Variants in FER observed in about 807,000 individuals in gnomAD.
FER encodes FER tyrosine kinase.
FER carries 63 observed loss-of-function variants against 111.0 expected under a neutral mutation model. The observed-to-expected ratio is 0.57, with a 90% CI of 0.46 to 0.70. FER has a LOEUF of 0.70. Among genes scored for constraint, FER ranks in the 30% least tolerant of loss-of-function variants. The pLI, the probability that FER is intolerant of heterozygous loss-of-function variation, is 0.00. For synonymous variants in FER, 327 were observed against 313.9 expected (o/e 1.04, Z -0.44); for missense variants, 914 against 954.0 (o/e 0.96, Z 0.55).
intron 17 of FER, among the ~76,000 whole-genome samples, chr5:109,156,574 T>C (rs913100074): frequency 1.1e-4 from 16 of 151,728 alleles, no homozygotes; most frequent in Non-Finnish European, 2.4e-4. Context: ...CATAGAAGTA[T>C]ATGAGATGAT....
chr5:109,053,290 G>A (rs1773103691), intron 16 of FER, among the ~76,000 whole-genome samples: 2 of 151,412 alleles, frequency 1.3e-5, no homozygotes, highest in African/African-American at 4.9e-5. Context: ...GGCTGAGGGA[G>A]GAGAATCGCT....
intron 3 of FER, 60 bp from the exon 4 acceptor site, chr5:108,832,710 A>G: frequency 2.4e-6 from 3 of 1,265,580 alleles, no homozygotes; most frequent in Non-Finnish European, 3.1e-6. Context: ...GAACTCTTAA[A>G]GCACAGCTAA....
intron 1 of FER, among the ~76,000 whole-genome samples, chr5:108,756,079 G>T (rs1312268241): frequency 6.7e-6 from 1 of 150,262 alleles, no homozygotes; most frequent in African/African-American, 2.4e-5. Context: ...GCTTGAACAC[G>T]GGAGGTGGAG....
intron 3 of FER, among the ~76,000 whole-genome samples, chr5:108,827,822 C>CT (rs5870331): frequency 0.73 from 88,679 of 121,320 alleles, 32,578 homozygotes; most frequent in South Asian, 0.82. Flanking sequence ...GAGTTAGTAT[C>CT]TTTTTTTTTT....
At chr5:108,991,341 G>T (rs72790515) in intron 13 of FER, among the ~76,000 whole-genome samples, 17,547 of 151,812 alleles carry the variant, frequency 0.12, 1,104 homozygotes, top group Middle Eastern at 0.16. Context: ...AAAAGTATAG[G>T]CATATTTTAT....
At chr5:108,893,096 T>A (rs188027836) in intron 9 of FER, among the ~76,000 whole-genome samples, 1 of 152,194 alleles carries the variant, frequency 6.6e-6, no homozygotes, top group Non-Finnish European at 1.5e-5. Flanking sequence ...TGAAGTCAGG[T>A]ATCGTGATGC....
intron 2 of FER, among the ~76,000 whole-genome samples, chr5:108,781,608 T>C (rs753956015): frequency 3.3e-5 from 5 of 152,182 alleles, no homozygotes; most frequent in Non-Finnish European, 7.3e-5. Flanking sequence ...AGTAAGGTGT[T>C]GGGGGATAGG....
chr5:108,895,252 T>C (rs1179572087), intron 9 of FER, among the ~76,000 whole-genome samples: 1 of 152,184 alleles, frequency 6.6e-6, no homozygotes, highest in African/African-American at 2.4e-5. Flanking sequence ...AATGGTTTAA[T>C]CTTTTCCTTT....
chr5:108,937,648 A>T (rs764240823), intron 10 of FER, among the ~76,000 whole-genome samples: 71 of 151,782 alleles, frequency 4.7e-4, no homozygotes, highest in Admixed American at 2.6e-3. Flanking sequence ...AGGTTGGAGG[A>T]TAGTGTGGTA....
intron 2 of FER, among the ~76,000 whole-genome samples, chr5:108,772,482 T>G (rs1753035184): frequency 6.6e-6 from 1 of 152,042 alleles, no homozygotes; most frequent in African/African-American, 2.4e-5. Context: ...TTTTAAGAGA[T>G]AAGATTTGTA....
At chr5:109,127,693 C>G (rs779152255) in intron 17 of FER, among the ~76,000 whole-genome samples, 1 of 152,054 alleles carries the variant, frequency 6.6e-6, no homozygotes, top group African/African-American at 2.4e-5. Context: ...CGTGAGCCAC[C>G]GTGCTTGGCC....
intron 14 of FER, among the ~76,000 whole-genome samples, chr5:109,043,613 A>T (rs1487935730): frequency 6.6e-6 from 1 of 152,210 alleles, no homozygotes. Context: ...TCTAAAACTC[A>T]GTAAGCAAAG....
At chr5:108,792,762 T>C (rs889677856) in intron 2 of FER, among the ~76,000 whole-genome samples, 1 of 151,978 alleles carries the variant, frequency 6.6e-6, no homozygotes, top group African/African-American at 2.4e-5. Flanking sequence ...ATTTCATTTT[T>C]GGATTGTTCA....
In FER at chr5:109,060,772, GTA is replaced by G. The variant is rs57784433; in HGVS notation, c.1924+13589_1924+13590del. 4.6e-4 allele frequency among the ~76,000 whole-genome samples: 62 copies of G among 133,458 alleles called. 1 individual carries two copies. Among genetic ancestry groups the G allele is most frequent in the South Asian group, 7.7e-4 (3 of 3,880 alleles). 87.6% of individuals were successfully genotyped at this position (133,458 alleles called of 152,430 possible). A position where few individuals can be genotyped will look rare whatever the true frequency, so the allele number is the denominator to read the frequency against. Reference sequence around the variant, plus strand: ...GTGCGTATGTGTGGTGTGTGTGTGTGTATATATATATATATACACACCAAACA... The same window carrying G: ...GTGCGTATGTGTGGTGTGTGTGTGTGTATATATATATATACACACCAAACA... On this transcript the variant is annotated intron_variant, in intron 16 of 19. Coordinates refer to ENST00000281092, the MANE Select transcript of FER (RefSeq NM_005246.4).
chr5:109,097,256 A>G (rs1747653000), intron 16 of FER, among the ~76,000 whole-genome samples: 1 of 151,932 alleles, frequency 6.6e-6, no homozygotes. Context: ...GTAAACCATA[A>G]GCTGACTATT....
At position 109,180,784 on chromosome 5, in the gene FER, A is replaced by G. The variant is rs780311722; in HGVS notation, c.2086A>G (p.Asn696Asp). 8 of 1,613,448 alleles carry G rather than the reference A, an allele frequency of 5.0e-6. No individual in the cohort carries two copies. The highest frequency in any genetic ancestry group is 6.8e-6 in the Non-Finnish European group (8 of 1,179,656). The change falls in exon 18 of 20, where the codon AAT becomes GAT. Residue 696 changes from asparagine (N) to aspartate (D), a missense_variant. By Grantham distance (23) the Asn-to-Asp change is conservative (BLOSUM62 1). Around this residue, in one of 3 missense-constraint regions of FER, gnomAD observed 6 missense variants for 22.0 expected, o/e 0.27. Coordinates refer to ENST00000281092, the MANE Select transcript of FER (RefSeq NM_005246.4). ...AAGAAACTGCCTGGTAGGTGAAAAT[A>G]ATGTTCTGAAAATCAGTGACTTTGG... ...AARNCLVGEN[N>D]VLKISDFGMS...
intron 1 of FER, among the ~76,000 whole-genome samples, chr5:108,758,966 A>G (rs1751419470): frequency 6.6e-6 from 1 of 152,178 alleles, no homozygotes; most frequent in African/African-American, 2.4e-5. Context: ...CTTTCGATGC[A>G]TTTACCACCT....
At chr5:108,951,806 TG>T (rs201403692) in intron 11 of FER, among the ~76,000 whole-genome samples, 1,736 of 152,250 alleles carry the variant, frequency 0.011, 16 homozygotes, top group Middle Eastern at 0.02. Context: ...TTTTTGTTTT[TG>T]CCTCCCAAAA....
At chr5:109,046,919 A>G (rs1225916401) in intron 15 of FER, among the ~76,000 whole-genome samples, 185 bp from the exon 16 acceptor site, 1 of 152,138 alleles carries the variant, frequency 6.6e-6, no homozygotes, top group Non-Finnish European at 1.5e-5. Context: ...CCAGTCTCCT[A>G]CAGATACTGA....
Sources: allele counts gnomAD v4.1 joint callset (sites outside exome capture counted in the v4.1 genomes callset), GRCh38; gene constraint gnomAD v4.1.1; regional missense constraint gnomAD v4.1.1; transcripts MANE v1.5; gene names NCBI Gene and HGNC (gene_info 2026-07-23, HGNC 2026-07-21).